SAMMSON: variants seen among roughly 807,000 people sequenced by gnomAD.
SAMMSON encodes the protein survival associated mitochondrial melanoma specific oncogenic non-coding RNA.
chr3:70,222,337 T>G (rs1028363246), intron 4 of SAMMSON, among the ~76,000 whole-genome samples: 5 of 152,214 alleles, frequency 3.3e-5, no homozygotes. Context: ...ATAAAACTAC[T>G]CATTTTAGCT....
At chr3:70,052,683 A>G (rs562326438) in intron 3 of SAMMSON, among the ~76,000 whole-genome samples, 1 of 152,200 alleles carries the variant, frequency 6.6e-6, no homozygotes, top group East Asian at 1.9e-4. Flanking sequence ...CATGATTGAC[A>G]TGTTGGGCTG....
intron 3 of SAMMSON, among the ~76,000 whole-genome samples, chr3:70,042,768 C>T (rs571616196): frequency 3.3e-5 from 5 of 152,066 alleles, no homozygotes; most frequent in South Asian, 2.1e-4. Flanking sequence ...GAAATTGTGC[C>T]GGAGTCTCTA....
chr3:70,334,748 A>G lies in SAMMSON; in HGVS notation n.740-19427A>G, dbSNP rs1398573349. On this transcript the variant is annotated intron_variant and non_coding_transcript_variant, in intron 7 of 9. Transcript: ENST00000642114. ...GCTGAAAATTGAAAAACTTGCCCAG[A>G]GCTATGTTGCTAATGAATTAAAGAG... Among the ~76,000 whole-genome samples the G allele has an allele frequency of 2.0e-5, 3 of 152,184 alleles. No individual in the cohort carries two copies. The East Asian group carries it at 5.8e-4, about 29-fold the overall frequency.
intron 4 of SAMMSON, chr3:70,140,244 C>T (rs749463325): frequency 1.1e-5 from 2 of 176,754 alleles, no homozygotes; most frequent in African/African-American, 2.3e-5. Flanking sequence ...GTGAAAGATA[C>T]TGACCAGGTC....
chr3:70,067,969 G>A (rs980810710), intron 3 of SAMMSON, among the ~76,000 whole-genome samples: 3 of 151,840 alleles, frequency 2.0e-5, no homozygotes, highest in Admixed American at 6.6e-5. Flanking sequence ...AATTTGTAGT[G>A]GTGGGGGTAG....
At chr3:70,306,375 T>A (rs1191520804) in intron 7 of SAMMSON, among the ~76,000 whole-genome samples, 1 of 152,162 alleles carries the variant, frequency 6.6e-6, no homozygotes, top group East Asian at 1.9e-4. Flanking sequence ...CCTCCCAAAG[T>A]GCTGGGATTA....
chr3:70,053,741 T>G (rs1483934573), intron 3 of SAMMSON, among the ~76,000 whole-genome samples: 1 of 152,142 alleles, frequency 6.6e-6, no homozygotes. Context: ...GGGTCTTTCT[T>G]TTTTTCACTG....
chr3:70,263,084 A>G (rs1433638611), intron 6 of SAMMSON, among the ~76,000 whole-genome samples: 1 of 152,048 alleles, frequency 6.6e-6, no homozygotes, highest in African/African-American at 2.4e-5. Flanking sequence ...TCTTTCCTCT[A>G]TATCTTTGAG....
intron 3 of SAMMSON, among the ~76,000 whole-genome samples, chr3:70,021,427 G>A (rs984038652): frequency 3.3e-5 from 5 of 152,114 alleles, no homozygotes; most frequent in Non-Finnish European, 7.3e-5. Flanking sequence ...TGAAAATGAT[G>A]AAGTTCATCC....
intron 3 of SAMMSON, among the ~76,000 whole-genome samples, chr3:70,020,464 G>A (rs1413310967): frequency 6.6e-6 from 1 of 152,156 alleles, no homozygotes; most frequent in African/African-American, 2.4e-5. Flanking sequence ...TATGGAGACT[G>A]TGGCATCTGT....
At chr3:70,396,867 G>A (rs1701098070) in intron 2 of SAMMSON, among the ~76,000 whole-genome samples, 1 of 152,170 alleles carries the variant, frequency 6.6e-6, no homozygotes, top group African/African-American at 2.4e-5. Flanking sequence ...GGGGAAGACA[G>A]AGTTTGAGAA....
intron 9 of SAMMSON, among the ~76,000 whole-genome samples, chr3:70,388,348 G>A (rs1701000930): frequency 6.6e-6 from 1 of 152,046 alleles, no homozygotes; most frequent in Non-Finnish European, 1.5e-5. Flanking sequence ...GGGCTTTGAA[G>A]CCTAAAATAT....
intron 2 of SAMMSON, among the ~76,000 whole-genome samples, chr3:70,423,631 T>C (rs945080869): frequency 6.6e-6 from 1 of 152,216 alleles, no homozygotes; most frequent in Non-Finnish European, 1.5e-5. Flanking sequence ...GGTTTATTTT[T>C]ACATTAAGTA....
intron 6 of SAMMSON, among the ~76,000 whole-genome samples, chr3:70,256,350 C>CT (rs1186118390): frequency 2.0e-5 from 3 of 152,154 alleles, no homozygotes; most frequent in Non-Finnish European, 4.4e-5. Flanking sequence ...GCAATCTTCC[C>CT]TATGATGATC....
intron 7 of SAMMSON, among the ~76,000 whole-genome samples, chr3:70,309,946 C>A (rs1702440242): frequency 6.6e-6 from 1 of 151,980 alleles, no homozygotes; most frequent in Non-Finnish European, 1.5e-5. Flanking sequence ...ATTGATTGGC[C>A]TATCAATTTC....
chr3:70,390,795 G>T (rs1701038842), downstream of SAMMSON, among the ~76,000 whole-genome samples: 1 of 152,074 alleles, frequency 6.6e-6, no homozygotes, highest in Admixed American at 6.6e-5. Context: ...ACAGAAAATA[G>T]TAAGGTATAA....
Position 70,206,303 on chromosome 3 carries a change from C to T in SAMMSON, n.508-42804C>T, listed in dbSNP as rs1391769125. On this transcript the variant is annotated intron_variant and non_coding_transcript_variant, in intron 4 of 9. Coordinates refer to ENST00000642114, the Ensembl canonical transcript of SAMMSON. ...CCATTTTTCTTTATCTGCCTCATAG[C>T]CCCATAGCAATAATGATTATGTTCC... 2.0e-5 allele frequency among the ~76,000 whole-genome samples: 3 copies of T among 151,908 alleles called. No individual in the cohort carries two copies. In the East Asian group the frequency reaches 5.8e-4, roughly 29 times the overall value.
chr3:70,109,504 A>G (rs2067380001), intron 4 of SAMMSON, among the ~76,000 whole-genome samples: 1 of 152,182 alleles, frequency 6.6e-6, no homozygotes, highest in Non-Finnish European at 1.5e-5. Flanking sequence ...TGGTGTAGAG[A>G]GAACATGCAG....
intron 4 of SAMMSON, among the ~76,000 whole-genome samples, chr3:70,130,042 C>A (rs2067475848): frequency 6.6e-6 from 1 of 152,132 alleles, no homozygotes; most frequent in Non-Finnish European, 1.5e-5. Context: ...TGGCAATATA[C>A]ACCTGTTTGA....
Sources: allele counts gnomAD v4.1 joint callset (sites outside exome capture counted in the v4.1 genomes callset), GRCh38; gene constraint gnomAD v4.1.1; transcripts MANE v1.5; gene names NCBI Gene and HGNC (gene_info 2026-07-23, HGNC 2026-07-21).